Variants in ANKRD62 observed in about 807,000 individuals in gnomAD.
The protein encoded by ANKRD62 is ankyrin repeat domain-containing protein 62.
Under a neutral mutation model 98.8 loss-of-function variants are expected in ANKRD62, and 61 were observed. That is an observed-to-expected ratio of 0.62 (90% CI 0.50 to 0.76). The LOEUF is 0.76. ANKRD62 is among the 30% of genes least tolerant of loss of function. The probability of loss-of-function intolerance (pLI) is 0.00; values close to 1 mark genes in which losing one functional copy is unlikely to be tolerated. For synonymous variants in ANKRD62, 341 were observed against 367.9 expected, an observed-to-expected ratio of 0.93 and a Z score of 0.84; for missense variants, 933 against 1,082.9, an observed-to-expected ratio of 0.86 and a Z score of 1.94.
chr18:12,093,886 A>C lies in ANKRD62; in HGVS notation c.-132A>C. On this transcript the variant is annotated 5_prime_UTR_variant, in exon 1 of 14. Transcript: ENST00000587848. ...GCTCCTCCGAGCAGCTGGAGACTGG[A>C]GTGTCCCTGACGGAGGTTGCGGCTG... 1 of 788,494 alleles carries C rather than the reference A, an allele frequency of 1.3e-6. No individual in the cohort carries two copies. 48.8% of individuals were successfully genotyped at this position (788,494 alleles called of 1,614,324 possible).
Position 12,111,591 on chromosome 18 carries a change from C to T in ANKRD62, c.1065-3497C>T, listed in dbSNP as rs1909540397. On this transcript the variant is annotated intron_variant, in intron 8 of 13. Transcript: ENST00000587848. Reference sequence around the variant, plus strand: ...ATCAAGAGAAAGAAATAATGGGCATCCAAGTAGGAAGAGAGGAAGTCAAAC... The same window carrying T: ...ATCAAGAGAAAGAAATAATGGGCATTCAAGTAGGAAGAGAGGAAGTCAAAC... Among the ~76,000 whole-genome samples, 4 of 152,116 alleles carry T rather than the reference C, an allele frequency of 2.6e-5. No individual in the cohort carries two copies. In the East Asian group the frequency reaches 7.7e-4, roughly 29 times the overall value.
At chr18:12,140,093 C>T in the ANKRD62 span, among the ~76,000 whole-genome samples, 12 of 152,258 alleles carry the variant, frequency 7.9e-5, no homozygotes, top group East Asian at 2.1e-3. Flanking sequence ...TCATATCATT[C>T]ATTTCGTCTT....
intron 6 of ANKRD62, among the ~76,000 whole-genome samples, chr18:12,100,387 T>C (rs939029362): frequency 1.3e-5 from 2 of 152,150 alleles, no homozygotes; most frequent in African/African-American, 4.8e-5. Context: ...TTGGCTAGGC[T>C]GAGGAGGAGT....
intron 7 of ANKRD62, among the ~76,000 whole-genome samples, chr18:12,104,719 T>C (rs760569461): frequency 1.2e-4 from 19 of 152,140 alleles, no homozygotes; most frequent in Non-Finnish European, 2.5e-4. Flanking sequence ...TGACAAATAA[T>C]GCACCTGATT....
At chr18:12,161,662 A>G in the ANKRD62 span, among the ~76,000 whole-genome samples, 218 of 152,102 alleles carry the variant, frequency 1.4e-3, no homozygotes, top group African/African-American at 4.3e-3. Context: ...ACCAACTCCC[A>G]TCTCCACCTC....
At chr18:12,111,678 T>C (rs989930400) in intron 8 of ANKRD62, among the ~76,000 whole-genome samples, 7 of 152,144 alleles carry the variant, frequency 4.6e-5, no homozygotes, top group African/African-American at 1.7e-4. Context: ...GAGGCCAAAA[T>C]CTTCTTAAGC....
In ANKRD62 at chr18:12,126,401, T is replaced by A. The variant is rs200149010; in HGVS notation, c.2562+18T>A. ...AAAGAGAAGTAAGTATCAAGAAAGA[T>A]AAGTATTTTTCAAACTTCCTGAAGT... is the stretch of plus-strand genomic sequence containing the variant. On this transcript the variant is annotated intron_variant, in intron 13 of 13. Transcript: ENST00000587848. 2.2e-4 allele frequency: 323 copies of A among 1,490,768 alleles called. No individual in the cohort carries two copies. The highest frequency in any genetic ancestry group is 2.8e-4 in the Non-Finnish European group (317 of 1,126,502). 92.3% of individuals were successfully genotyped at this position (1,490,768 alleles called of 1,614,324 possible). A position where few individuals can be genotyped will look rare whatever the true frequency, so the allele number is the denominator to read the frequency against.
chr18:12,110,178 G>T (rs915246899), intron 8 of ANKRD62, among the ~76,000 whole-genome samples: 3 of 152,172 alleles, frequency 2.0e-5, no homozygotes, highest in African/African-American at 2.4e-5. Flanking sequence ...TTAAGTTTAC[G>T]AAATAAGATA....
At chr18:12,105,004 C>A (rs868268085) in intron 7 of ANKRD62, among the ~76,000 whole-genome samples, 1 of 152,002 alleles carries the variant, frequency 6.6e-6, no homozygotes, top group African/African-American at 2.4e-5. Context: ...GAAGTAGTTA[C>A]AATTGAAATA....
chr18:12,116,582 C>T (rs1468910980), intron 10 of ANKRD62, among the ~76,000 whole-genome samples: 1 of 152,108 alleles, frequency 6.6e-6, no homozygotes, highest in Non-Finnish European at 1.5e-5. Context: ...CACTTCTGGT[C>T]CCAAGCATTT....
At chr18:12,162,372 AT>A in the ANKRD62 span, among the ~76,000 whole-genome samples, 1 of 151,500 alleles carries the variant, frequency 6.6e-6, no homozygotes, top group East Asian at 1.9e-4. Flanking sequence ...GGATTATTAG[AT>A]TTTTTTTCCT....
chr18:12,165,156 A>G, the ANKRD62 span, among the ~76,000 whole-genome samples: 93,070 of 151,552 alleles, frequency 0.61, 29,001 homozygotes, highest in Middle Eastern at 0.76. Context: ...TTTTTGGCCT[A>G]TGTGTATCTT....
the ANKRD62 span, among the ~76,000 whole-genome samples, chr18:12,151,267 T>G: frequency 1.3e-5 from 2 of 152,184 alleles, no homozygotes; most frequent in Non-Finnish European, 2.9e-5. Flanking sequence ...ATCCAGCACA[T>G]GAGCACCTAG....
chr18:12,135,530 T>C, the ANKRD62 span, among the ~76,000 whole-genome samples: 1 of 151,576 alleles, frequency 6.6e-6, no homozygotes, highest in Non-Finnish European at 1.5e-5. Flanking sequence ...TATAGCAGCA[T>C]GATTTATCGT....
At chr18:12,174,635 T>G in the ANKRD62 span, among the ~76,000 whole-genome samples, 5 of 152,362 alleles carry the variant, frequency 3.3e-5, no homozygotes, top group Admixed American at 2.6e-4. Context: ...GGGCTTACTT[T>G]CCTTCAATCT....
chr18:12,105,884 T>C (rs1027138704), intron 7 of ANKRD62, among the ~76,000 whole-genome samples: 22 of 152,192 alleles, frequency 1.4e-4, no homozygotes, highest in African/African-American at 5.3e-4. Flanking sequence ...CTATAGGAAA[T>C]TGCTTAAAAA....
chr18:12,126,113 A>T lies in ANKRD62; in HGVS notation c.2292A>T (p.Lys764Asn). ...AAAATGACCAACCTATTTTGGAAAA[A>T]TACGTGAGAAAGCAGCAATCTGTAG... Reference protein sequence around the residue: ...MYQNDQPILEKYVRKQQSVED... With the variant: ...MYQNDQPILENYVRKQQSVED... Residue 764 changes from lysine (K) to asparagine (N), a missense_variant, in exon 13 of 14, where the codon AAA becomes AAT. Transcript: ENST00000587848. The T allele has an allele frequency of 6.5e-7, 1 of 1,536,148 alleles. No homozygotes were observed. Among genetic ancestry groups the T allele is most frequent in the Non-Finnish European group, 8.7e-7 (1 of 1,146,884 alleles).
chr18:12,165,518 C>A, the ANKRD62 span, among the ~76,000 whole-genome samples: 1 of 151,496 alleles, frequency 6.6e-6, no homozygotes, highest in South Asian at 2.1e-4. Context: ...AACAAACACA[C>A]AAAAAAACTA....
intron 10 of ANKRD62, among the ~76,000 whole-genome samples, chr18:12,120,485 G>A (rs780100909): frequency 5.9e-5 from 9 of 152,092 alleles, no homozygotes; most frequent in Admixed American, 1.3e-4. Context: ...GTGTTAGCAC[G>A]TATCTTTTTC....
Sources: allele counts gnomAD v4.1 joint callset (sites outside exome capture counted in the v4.1 genomes callset), GRCh38; gene constraint gnomAD v4.1.1; transcripts MANE v1.5; gene names NCBI Gene and HGNC (gene_info 2026-07-23, HGNC 2026-07-21).